The following DPYSL2 variants were observed in gnomAD, a reference collection of about 807,000 sequenced individuals.
The protein encoded by DPYSL2 is dihydropyrimidinase-related protein 2.
Under a neutral mutation model 69.9 loss-of-function variants are expected in DPYSL2, and 13 were observed. The observed-to-expected ratio is 0.19, with a 90% CI of 0.12 to 0.30. The LOEUF (loss-of-function observed/expected upper bound fraction) is 0.30. Among genes scored for constraint, DPYSL2 ranks in the 10% least tolerant of loss-of-function variants. DPYSL2 has a pLI of 1.00. For synonymous variants in DPYSL2, 326 were observed against 359.1 expected (o/e 0.91, Z 1.04); for missense variants, 587 against 918.9 (o/e 0.64, Z 4.67).
At position 26,610,060 on chromosome 8, in the gene DPYSL2, C is replaced by T. The variant is rs1802193182; in HGVS notation, c.629-14083C>T. Among the ~76,000 whole-genome samples, 4 of 152,174 alleles carry T rather than the reference C, an allele frequency of 2.6e-5. No individual in the cohort carries two copies. On this transcript the variant is annotated intron_variant, in intron 3 of 13. Coordinates refer to ENST00000521913, the MANE Select transcript of DPYSL2 (RefSeq NM_001197293.3). This position sits in a 1 kb window ranked among gnomAD's most constrained non-coding sequence, Gnocchi z 4.5. Reference sequence around the variant, plus strand: ...TAGGGTGTCCACCCCAGCCTGGGCTCCTGGTATCCCTAAGGGTTTTGGAAG... The same window carrying T: ...TAGGGTGTCCACCCCAGCCTGGGCTTCTGGTATCCCTAAGGGTTTTGGAAG...
rs1803299150 is a variant in DPYSL2 at position 26,652,498 on chromosome 8, C to T, written c.1776+62C>T. 1.3e-6 allele frequency: 2 copies of T among 1,504,726 alleles called. No homozygotes were observed. Among genetic ancestry groups the T allele is most frequent in the African/African-American group, 1.4e-5 (1 of 71,918 alleles). 93.2% of individuals were successfully genotyped at this position (1,504,726 alleles called of 1,614,324 possible). A position where few individuals can be genotyped will look rare whatever the true frequency, so the allele number is the denominator to read the frequency against. ...CACGAATTAAGTTCAAGGCCACAAA[C>T]ATTTATTAAGCACCTTGAGACAGAA... On this transcript the variant is annotated intron_variant, in intron 12 of 13. Coordinates refer to ENST00000521913, the MANE Select transcript of DPYSL2 (RefSeq NM_001197293.3). The surrounding 1 kb of genome is among the most constrained non-coding windows in gnomAD (Gnocchi z 6.3).
At chr8:26,559,177 A>G (rs1456267168) in intron 1 of DPYSL2, among the ~76,000 whole-genome samples, 1 of 152,156 alleles carries the variant, frequency 6.6e-6, no homozygotes, top group Non-Finnish European at 1.5e-5. Flanking sequence ...TCCTGAGCTC[A>G]GGCAACCCAC....
In DPYSL2 at chr8:26,644,172, G is replaced by T; in HGVS notation, c.1425+81G>T. On this transcript the variant is annotated intron_variant, in intron 10 of 13. Coordinates refer to ENST00000521913, the MANE Select transcript of DPYSL2 (RefSeq NM_001197293.3). This position sits in a 1 kb window ranked among gnomAD's most constrained non-coding sequence, Gnocchi z 4.5. Reference sequence around the variant, plus strand: ...TCTGGGGGCCATGGGGCTCATGGAGGCCTTGAAATGACAGACAGTGGAGGA... The same window carrying T: ...TCTGGGGGCCATGGGGCTCATGGAGTCCTTGAAATGACAGACAGTGGAGGA... The T allele has an allele frequency of 6.6e-7, 1 of 1,518,226 alleles. No individual in the cohort carries two copies. The highest frequency in any genetic ancestry group is 8.9e-7 in the Non-Finnish European group (1 of 1,127,392). The allele number at this position is 1,518,226 out of a possible 1,614,324, so 94.0% of individuals were successfully genotyped here.
At chr8:26,629,312 A>G (rs1802686564) in intron 7 of DPYSL2, among the ~76,000 whole-genome samples, 1 of 151,728 alleles carries the variant, frequency 6.6e-6, no homozygotes, top group African/African-American at 2.4e-5. Flanking sequence ...AGACACCTAC[A>G]CACACACACA....
intron 1 of DPYSL2, among the ~76,000 whole-genome samples, chr8:26,536,831 T>C (rs544660273): frequency 6.6e-6 from 1 of 152,102 alleles, no homozygotes; most frequent in African/African-American, 2.4e-5. Flanking sequence ...TTGCAAATTA[T>C]AGAGAAATAA....
Position 26,533,488 on chromosome 8 carries a change from A to T in DPYSL2, c.354+18809A>T, listed in dbSNP as rs1312823555. ...CCCTGTGTTTTCTCCTGGATGTTTC[A>T]TAGTTTTTGCTTTTACCTGTAGATT... On this transcript the variant is annotated intron_variant, in intron 1 of 13. Coordinates refer to ENST00000521913, the MANE Select transcript of DPYSL2 (RefSeq NM_001197293.3). The surrounding 1 kb of genome is among the most constrained non-coding windows in gnomAD (Gnocchi z 4.8). 6.6e-6 allele frequency among the ~76,000 whole-genome samples: 1 copy of T among 152,110 alleles called. No homozygotes were observed. The highest frequency in any genetic ancestry group is 1.5e-5 in the Non-Finnish European group (1 of 68,012).
In DPYSL2 at chr8:26,626,798, G is replaced by A; in HGVS notation, c.855+120G>A. ...CCTAGCTTCCTGGGAAGTGGCTGGT[G>A]GATGCAGTTACTGATGTAACTGAGC... On this transcript the variant is annotated intron_variant, in intron 5 of 13. Transcript: ENST00000521913. The surrounding 1 kb of genome is among the most constrained non-coding windows in gnomAD (Gnocchi z 4.3). 1.9e-6 allele frequency: 2 copies of A among 1,051,258 alleles called. No individual in the cohort carries two copies. The highest frequency in any genetic ancestry group is 2.8e-6 in the Non-Finnish European group (2 of 703,124). 65.1% of individuals were successfully genotyped at this position (1,051,258 alleles called of 1,614,324 possible). A position where few individuals can be genotyped will look rare whatever the true frequency, so the allele number is the denominator to read the frequency against.
chr8:26,560,215 G>C lies in DPYSL2; in HGVS notation c.355-21754G>C, dbSNP rs959767260. 6.6e-6 allele frequency among the ~76,000 whole-genome samples: 1 copy of C among 152,150 alleles called. No homozygotes were observed. ...CTCTGCCTGAACCTGGGTGGCAGGG[G>C]CTGCATGTTTAGAACTTTCACAAAA... is the stretch of plus-strand genomic sequence containing the variant. On this transcript the variant is annotated intron_variant, in intron 1 of 13. Coordinates refer to ENST00000521913, the MANE Select transcript of DPYSL2 (RefSeq NM_001197293.3). This position sits in a 1 kb window ranked among gnomAD's most constrained non-coding sequence, Gnocchi z 4.4.
At chr8:26,576,839 T>C (rs150984202) in intron 1 of DPYSL2, among the ~76,000 whole-genome samples, 71 of 152,358 alleles carry the variant, frequency 4.7e-4, no homozygotes, top group Middle Eastern at 3.4e-3. Context: ...CCACTGGCAC[T>C]GTAAACCCTC....
At chr8:26,623,988 G>T (rs1481181602) in intron 3 of DPYSL2, 155 bp from the exon 4 acceptor site, 10 of 749,384 alleles carry the variant, frequency 1.3e-5, no homozygotes, top group Non-Finnish European at 1.9e-5. Context: ...TGGATAATCA[G>T]CTGGGTTACA....
At chr8:26,576,842 A>T (rs955586457) in intron 1 of DPYSL2, among the ~76,000 whole-genome samples, 1 of 152,214 alleles carries the variant, frequency 6.6e-6, no homozygotes, top group Non-Finnish European at 1.5e-5. Context: ...CTGGCACTGT[A>T]AACCCTCAGG....
intron 1 of DPYSL2, among the ~76,000 whole-genome samples, chr8:26,563,689 T>C (rs11990700): frequency 0.1 from 15,322 of 152,278 alleles, 858 homozygotes; most frequent in Non-Finnish European, 0.12. Flanking sequence ...TGGCACTGAC[T>C]GCAATCTGAA....
At chr8:26,634,383 T>A (rs1330235957) in intron 7 of DPYSL2, among the ~76,000 whole-genome samples, 2 of 148,658 alleles carry the variant, frequency 1.3e-5, no homozygotes, top group Non-Finnish European at 3.0e-5. Flanking sequence ...TCCTGCCTTA[T>A]ACTCCCAAGT....
intron 1 of DPYSL2, chr8:26,578,187 A>G (rs1295058900): frequency 6.2e-7 from 1 of 1,610,468 alleles, no homozygotes; most frequent in Non-Finnish European, 8.5e-7. Flanking sequence ...AAAAAAACCC[A>G]AGTCCCCTTC....
At chr8:26,553,271 T>C (rs1668772402) in intron 1 of DPYSL2, among the ~76,000 whole-genome samples, 1 of 152,188 alleles carries the variant, frequency 6.6e-6, no homozygotes, top group Non-Finnish European at 1.5e-5. Flanking sequence ...AGGTTTGTTA[T>C]ATAGGTAAAC....
chr8:26,577,686 C>A, intron 1 of DPYSL2: 1 of 527,502 alleles, frequency 1.9e-6, no homozygotes, highest in East Asian at 1.5e-4. Context: ...CAAACCCGGT[C>A]CCCACCGCCC....
rs1801573747 is a variant in DPYSL2, at chr8:26,585,195, T to G, written c.628+1212T>G. Among the ~76,000 whole-genome samples the G allele has an allele frequency of 1.3e-5, 2 of 152,202 alleles. No individual in the cohort carries two copies. The highest frequency in any genetic ancestry group is 4.1e-4 in the South Asian group (2 of 4,832). On this transcript the variant is annotated intron_variant, in intron 3 of 13. Transcript: ENST00000521913. The surrounding 1 kb of genome is among the most constrained non-coding windows in gnomAD (Gnocchi z 4.0). ...AGTTCAGTTCAGAAGAGGGTCTAAG[T>G]AGAAAGAACTTAGCTGTTTCTGCTA...
At position 26,652,387 on chromosome 8, in the gene DPYSL2, G is replaced by A. The variant is rs759131482; in HGVS notation, c.1727G>A (p.Arg576Gln). The A allele has an allele frequency of 5.0e-6, 8 of 1,614,112 alleles. No individual in the cohort carries two copies. The highest frequency in any genetic ancestry group is 2.2e-5 in the South Asian group (2 of 91,072). ...VTEGSGRYIPRKPFPDFVYKR... is the reference protein window; with the variant it reads ...VTEGSGRYIPQKPFPDFVYKR... ...GAAGGCTCTGGACGCTACATTCCCCGGAAGCCCTTCCCTGATTTTGTTTAC... is the reference window on the plus strand; with the variant it reads ...GAAGGCTCTGGACGCTACATTCCCCAGAAGCCCTTCCCTGATTTTGTTTAC... Residue 576 changes from arginine to glutamine, a missense_variant, in exon 12 of 14, where the codon CGG becomes CAG. Arg to Gln is a conservative substitution (Grantham distance 43, BLOSUM62 1). Transcript: ENST00000521913. The surrounding 1 kb of genome is among the most constrained non-coding windows in gnomAD (Gnocchi z 6.3).
rs555175715 is a variant in DPYSL2, at chr8:26,562,996, G to A, written c.355-18973G>A. ...TTCTTTACAGCATGGTGGCGTTAGG[G>A]TAGCTGGATTTCCCACACCTGTGTC... is the stretch of plus-strand genomic sequence containing the variant. On this transcript the variant is annotated intron_variant, in intron 1 of 13. Coordinates refer to ENST00000521913, the MANE Select transcript of DPYSL2 (RefSeq NM_001197293.3). The surrounding 1 kb of genome is among the most constrained non-coding windows in gnomAD (Gnocchi z 4.9). 1.3e-5 allele frequency among the ~76,000 whole-genome samples: 2 copies of A among 152,108 alleles called. No individual in the cohort carries two copies. Among genetic ancestry groups the A allele is most frequent in the Admixed American group, 6.6e-5 (1 of 15,262 alleles).
Sources: gnomAD v4.1 joint callset for allele counts (sites outside exome capture counted in the v4.1 genomes callset) on GRCh38, gnomAD v4.1.1 for gene constraint, Gnocchi (gnomAD v3.1) non-coding constraint, MANE v1.5 for transcripts, NCBI Gene and HGNC (gene_info 2026-07-23, HGNC 2026-07-21) for gene names.